Variants in SIDT1 observed in about 807,000 individuals in gnomAD.
SIDT1 encodes SID1 transmembrane family, member 1.
A neutral mutation model predicts 107.5 loss-of-function variants in SIDT1; 101 were observed. The ratio of observed to expected loss-of-function variants is 0.94; its 90% CI spans 0.80 to 1.11. SIDT1 has a LOEUF of 1.11. Ranked by LOEUF, SIDT1 falls within the 50% of genes least tolerant of loss-of-function variation. The probability of loss-of-function intolerance (pLI) is 0.00; values close to 1 mark genes in which losing one functional copy is unlikely to be tolerated. For missense variants in SIDT1, 1,076 were observed against 1,058.2 expected, an observed-to-expected ratio of 1.02 and a Z score of -0.23; for synonymous variants, 395 against 398.2, an observed-to-expected ratio of 0.99 and a Z score of 0.10.
At chr3:113,611,611 G>A (rs1051463762) in intron 18 of SIDT1, among the ~76,000 whole-genome samples, 3 of 152,140 alleles carry the variant, frequency 2.0e-5, no homozygotes, top group Admixed American at 1.3e-4. Flanking sequence ...GTGAGCCACC[G>A]TGCCCGGCCT....
At chr3:113,557,319 G>T (rs903329939) in intron 1 of SIDT1, among the ~76,000 whole-genome samples, 12 of 152,258 alleles carry the variant, frequency 7.9e-5, no homozygotes, top group African/African-American at 2.9e-4. Flanking sequence ...AATATTATGG[G>T]TTGATTTGTT....
chr3:113,561,491 G>C (rs1941424142), intron 1 of SIDT1, among the ~76,000 whole-genome samples: 4 of 152,186 alleles, frequency 2.6e-5, no homozygotes, highest in Admixed American at 1.3e-4. Flanking sequence ...TGATACATCT[G>C]TTCTGCCAGC....
At chr3:113,637,082 A>G in the SIDT1 span, among the ~76,000 whole-genome samples, 1 of 152,200 alleles carries the variant, frequency 6.6e-6, no homozygotes, top group African/African-American at 2.4e-5. Context: ...TTCCTCTTCT[A>G]AAGAATGACA....
chr3:113,629,573 T>C lies in SIDT1; in HGVS notation c.*1865T>C, dbSNP rs996067881. On this transcript the variant is annotated 3_prime_UTR_variant, in exon 25 of 25. Coordinates refer to ENST00000264852, the MANE Select transcript of SIDT1 (RefSeq NM_017699.3). Reference sequence around the variant, plus strand: ...AAAAAAATAAAAATTTGAACCTGTTTCACTATGGCTAGTTTGACCTAATTT... The same window carrying C: ...AAAAAAATAAAAATTTGAACCTGTTCCACTATGGCTAGTTTGACCTAATTT... 1.2e-4 allele frequency: 18 copies of C among 152,232 alleles called. No individual in the cohort carries two copies. The highest frequency in any genetic ancestry group is 2.5e-4 in the Non-Finnish European group (17 of 68,070). The allele number at this position is 152,232 out of a possible 1,614,324, so 9.4% of individuals were successfully genotyped here.
chr3:113,625,123 T>TTTTC (rs909154333), intron 23 of SIDT1, among the ~76,000 whole-genome samples: 11 of 151,538 alleles, frequency 7.3e-5, no homozygotes, highest in Admixed American at 5.3e-4. Flanking sequence ...AGCTCTATTT[T>TTTTC]TTTCTTTCTT....
At chr3:113,586,392 C>T (rs1026795528) in intron 9 of SIDT1, among the ~76,000 whole-genome samples, 6 of 152,148 alleles carry the variant, frequency 3.9e-5, no homozygotes, top group African/African-American at 1.4e-4. Context: ...GGAAAGGAGC[C>T]ATTAGCAGAT....
intron 13 of SIDT1, 126 bp from the exon 14 acceptor site, chr3:113,604,784 A>G (rs1440897845): frequency 4.0e-6 from 4 of 1,003,002 alleles, no homozygotes; most frequent in South Asian, 1.4e-5. Flanking sequence ...CCACATAATC[A>G]GCTTCTGGTT....
At chr3:113,625,946 CTTTGTGTACAGGTT>C (rs1390858182) in intron 23 of SIDT1, 142 bp from the exon 24 acceptor site, 2 of 626,592 alleles carry the variant, frequency 3.2e-6, no homozygotes, top group Non-Finnish European at 5.7e-6. Context: ...CTTTTGAGGT[CTTTGTGTACAGGTT>C]TTTGTGTGGA....
At position 113,532,864 on chromosome 3, in the gene SIDT1, C is replaced by A; in HGVS notation, c.-158C>A. On this transcript the variant is annotated 5_prime_UTR_variant, in exon 1 of 25. Transcript: ENST00000264852. ...CATCAGTATTTGATCGGCCCTTCGT[C>A]AGCACGCTGCCAGCCCTGGCCGGCT... The A allele has an allele frequency of 2.2e-6, 1 of 459,382 alleles. No homozygotes were observed. The highest frequency in any genetic ancestry group is 3.7e-6 in the Non-Finnish European group (1 of 273,388). 28.5% of individuals were successfully genotyped at this position (459,382 alleles called of 1,614,324 possible). A position where few individuals can be genotyped will look rare whatever the true frequency, so the allele number is the denominator to read the frequency against.
At chr3:113,612,035 AG>A (rs780000755) in intron 18 of SIDT1, 50 bp from the exon 19 acceptor site, 9 of 1,316,896 alleles carry the variant, frequency 6.8e-6, no homozygotes, top group African/African-American at 5.8e-5. Context: ...GATTTTGATG[AG>A]TTTTCTAGGG....
chr3:113,630,803 C>T (rs1181751693), downstream of SIDT1, among the ~76,000 whole-genome samples: 1 of 152,166 alleles, frequency 6.6e-6, no homozygotes, highest in Non-Finnish European at 1.5e-5. Context: ...AGTGCTCACG[C>T]AGACAGGATC....
At chr3:113,579,139 G>T (rs936676442) in intron 4 of SIDT1, among the ~76,000 whole-genome samples, 3 of 152,186 alleles carry the variant, frequency 2.0e-5, no homozygotes, top group African/African-American at 7.2e-5. Flanking sequence ...TGGGGAGGTA[G>T]CCAGGACCCA....
In SIDT1 at chr3:113,608,088, C is replaced by T. The variant is rs376293646; in HGVS notation, c.1479-6C>T. On this transcript the variant is annotated splice_polypyrimidine_tract_variant and splice_region_variant and intron_variant, in intron 15 of 24. Transcript: ENST00000264852. ...CTCTCTCATGGTCTCTCACTCATCC[C>T]TGTAGTGCCTTCAACAACATTCTCA... 3.6e-5 allele frequency: 58 copies of T among 1,595,282 alleles called. No individual in the cohort carries two copies. Among genetic ancestry groups the T allele is most frequent in the Non-Finnish European group, 2.5e-5 (29 of 1,171,782 alleles).
chr3:113,578,481 AAAG>A (rs1310115094), intron 4 of SIDT1, among the ~76,000 whole-genome samples: 1 of 151,720 alleles, frequency 6.6e-6, no homozygotes, highest in African/African-American at 2.4e-5. Flanking sequence ...AAAAAAAAAA[AAAG>A]AAGAGGAATA....
chr3:113,556,674 G>T (rs913229710), intron 1 of SIDT1, among the ~76,000 whole-genome samples: 2 of 152,172 alleles, frequency 1.3e-5, no homozygotes, highest in South Asian at 2.1e-4. Flanking sequence ...GCTTTGATAG[G>T]GTGAAAATAG....
intron 13 of SIDT1, 99 bp from the exon 14 acceptor site, chr3:113,604,811 T>A: frequency 7.2e-7 from 1 of 1,389,426 alleles, no homozygotes; most frequent in East Asian, 2.3e-5. Flanking sequence ...GCAAGTTAAT[T>A]ATGGACTTAT....
In SIDT1 at chr3:113,580,672, C is replaced by T; in HGVS notation, c.626C>T (p.Ala209Val). The T allele has an allele frequency of 6.2e-7, 1 of 1,613,372 alleles. No homozygotes were observed. Among genetic ancestry groups the T allele is most frequent in the Non-Finnish European group, 8.5e-7 (1 of 1,179,366 alleles). ...ATCATTAAAGTGGTGTCTGAAATGG[C>T]TTATCCATGTTCTGTTGTCTCAGTC... is the stretch of plus-strand genomic sequence containing the variant. ...SVIIKVVSEM[A>V]YPCSVVSVQN... Residue 209 changes from alanine (A) to valine (V), a missense_variant, in exon 5 of 25, where the codon GCT becomes GTT. Physicochemically the swap from Ala to Val is moderately conservative, Grantham distance 64. Coordinates refer to ENST00000264852, the MANE Select transcript of SIDT1 (RefSeq NM_017699.3).
Position 113,566,553 on chromosome 3 carries a change from T to C in SIDT1, c.344+12T>C, listed in dbSNP as rs1414360123. The C allele has an allele frequency of 6.2e-7, 1 of 1,608,696 alleles. No individual in the cohort carries two copies. The highest frequency in any genetic ancestry group is 8.5e-7 in the Non-Finnish European group (1 of 1,176,638). Reference sequence around the variant, plus strand: ...CTCTTCCAAGGACTGTAAGTGGGTTTTCTTCCAGGCAACTTCACTATGTTT... The same window carrying C: ...CTCTTCCAAGGACTGTAAGTGGGTTCTCTTCCAGGCAACTTCACTATGTTT... On this transcript the variant is annotated intron_variant, in intron 2 of 24. Coordinates refer to ENST00000264852, the MANE Select transcript of SIDT1 (RefSeq NM_017699.3).
rs868110955 is a variant in SIDT1 at position 113,613,329 on chromosome 3, G to T, written c.1966+1135G>T. Among the ~76,000 whole-genome samples the T allele has an allele frequency of 3.3e-5, 5 of 152,328 alleles. No homozygotes were observed. In the South Asian group the frequency reaches 1.0e-3, roughly 32 times the overall value. On this transcript the variant is annotated intron_variant, in intron 19 of 24. Coordinates refer to ENST00000264852, the MANE Select transcript of SIDT1 (RefSeq NM_017699.3). ...CCTTCTGGGCAGGTAGACACTTCTG[G>T]CTCCCTGGAATTCAGAATTTCTAGA...
Sources: gnomAD v4.1 joint callset for allele counts (sites outside exome capture counted in the v4.1 genomes callset) on GRCh38, gnomAD v4.1.1 for gene constraint, MANE v1.5 for transcripts, NCBI Gene and HGNC (gene_info 2026-07-23, HGNC 2026-07-21) for gene names.